NEK5: variants seen among roughly 807,000 people sequenced by gnomAD.
The protein encoded by NEK5 is serine/threonine-protein kinase Nek5.
In NEK5, 88 loss-of-function variants were observed where a neutral mutation model predicts 109.2. That is an observed-to-expected ratio of 0.81 (90% CI 0.68 to 0.96). The LOEUF (loss-of-function observed/expected upper bound fraction) is 0.96. NEK5 is among the 40% of genes least tolerant of loss of function. The pLI, the probability that NEK5 is intolerant of heterozygous loss-of-function variation, is 0.00. For synonymous variants in NEK5, 283 were observed against 299.9 expected (o/e 0.94, Z 0.58); for missense variants, 834 against 920.7 (o/e 0.91, Z 1.22).
chr13:52,076,886 A>C (rs117030432), intron 17 of NEK5, among the ~76,000 whole-genome samples: 3,237 of 152,336 alleles, frequency 0.021, 84 homozygotes, highest in Admixed American at 0.084. Context: ...CATGACCAGA[A>C]AGGTCCCTGC....
intron 22 of NEK5, among the ~76,000 whole-genome samples, chr13:52,056,928 C>A (rs894733639): frequency 6.6e-6 from 1 of 151,472 alleles, no homozygotes; most frequent in Non-Finnish European, 1.5e-5. Flanking sequence ...GCTAGCAGAA[C>A]GCAAGAAATA....
intron 14 of NEK5, among the ~76,000 whole-genome samples, chr13:52,087,771 A>G (rs538651039): frequency 2.5e-4 from 38 of 151,768 alleles, no homozygotes; most frequent in Admixed American, 1.1e-3. Context: ...GACTACAGGC[A>G]CCCGCCACCA....
chr13:52,113,716 C>T (rs60284382), intron 4 of NEK5, among the ~76,000 whole-genome samples: 65,956 of 151,526 alleles, frequency 0.44, 15,684 homozygotes, highest in Non-Finnish European at 0.54. Flanking sequence ...TGCTAGGATC[C>T]AAATGTCTTT....
chr13:52,083,453 C>A, intron 16 of NEK5, 101 bp from the exon 17 acceptor site: 1 of 701,032 alleles, frequency 1.4e-6, no homozygotes. Context: ...TGGACAGAAC[C>A]CTTTTTATAG....
At chr13:52,060,148 A>G (rs1954599122) in intron 22 of NEK5, among the ~76,000 whole-genome samples, 1 of 152,178 alleles carries the variant, frequency 6.6e-6, no homozygotes, top group South Asian at 2.1e-4. Flanking sequence ...ATGACTAATT[A>G]TGAGTTTATA....
chr13:52,092,010 C>G (rs768204407), intron 13 of NEK5, among the ~76,000 whole-genome samples: 14 of 152,116 alleles, frequency 9.2e-5, no homozygotes, highest in Middle Eastern at 3.4e-3. Context: ...GAAATATACA[C>G]AACTATTTTT....
intron 20 of NEK5, 53 bp downstream of exon 20, chr13:52,071,891 G>A: frequency 1.3e-6 from 2 of 1,548,670 alleles, no homozygotes; most frequent in South Asian, 1.1e-5. Context: ...AGTTCAAAAT[G>A]GGTTGCTAAT....
chr13:52,035,506 G>C lies in NEK5; in HGVS notation c.*1442C>G, dbSNP rs1954352870. The C allele has an allele frequency of 6.6e-6, 1 of 152,028 alleles. No individual in the cohort carries two copies. The highest frequency in any genetic ancestry group is 1.5e-5 in the Non-Finnish European group (1 of 68,016). 9.4% of individuals were successfully genotyped at this position (152,028 alleles called of 1,614,324 possible). A position where few individuals can be genotyped will look rare whatever the true frequency, so the allele number is the denominator to read the frequency against. ...TTCCTAAGCCCAGACATACTCCTTA[G>C]TATTTAAATAAACATCTGTTAAGCT... On this transcript the variant is annotated 3_prime_UTR_variant, in exon 24 of 24. Coordinates refer to ENST00000684899, the MANE Select transcript of NEK5 (RefSeq NM_001365552.1).
intron 3 of NEK5, among the ~76,000 whole-genome samples, chr13:52,119,654 T>C (rs1004916200): frequency 6.6e-6 from 1 of 152,224 alleles, no homozygotes; most frequent in Non-Finnish European, 1.5e-5. Flanking sequence ...AGTTTTGCTA[T>C]ATTAAAAGTT....
chr13:52,076,290 T>A, intron 17 of NEK5, 147 bp from the exon 18 acceptor site: 2 of 535,144 alleles, frequency 3.7e-6, no homozygotes, highest in Non-Finnish European at 6.6e-6. Flanking sequence ...GGGCAGAGTA[T>A]CCATTAACTT....
intron 20 of NEK5, among the ~76,000 whole-genome samples, chr13:52,068,306 T>C (rs1397245996): frequency 6.6e-6 from 1 of 152,182 alleles, no homozygotes. Flanking sequence ...ACAACGATAC[T>C]GCAATATTTA....
intron 5 of NEK5, among the ~76,000 whole-genome samples, chr13:52,111,147 T>C (rs894325131): frequency 6.6e-6 from 1 of 152,344 alleles, no homozygotes; most frequent in South Asian, 2.1e-4. Context: ...TTTATCTTTG[T>C]TGACCATGAG....
At chr13:52,054,163 C>A (rs952255791) in intron 22 of NEK5, among the ~76,000 whole-genome samples, 1 of 152,134 alleles carries the variant, frequency 6.6e-6, no homozygotes, top group Non-Finnish European at 1.5e-5. Flanking sequence ...CATGTATTAA[C>A]CTTAGGGCTT....
At chr13:52,050,725 T>C (rs1176661688) in intron 22 of NEK5, among the ~76,000 whole-genome samples, 1 of 149,390 alleles carries the variant, frequency 6.7e-6, no homozygotes, top group Non-Finnish European at 1.5e-5. Flanking sequence ...TTTTTCTTTT[T>C]TTTTTTTTTT....
At chr13:52,096,771 C>G (rs981181854) in intron 12 of NEK5, among the ~76,000 whole-genome samples, 1 of 152,132 alleles carries the variant, frequency 6.6e-6, no homozygotes, top group East Asian at 1.9e-4. Flanking sequence ...CAATTCAAAC[C>G]AGCTGCAGAA....
intron 23 of NEK5, among the ~76,000 whole-genome samples, chr13:52,042,980 T>C (rs1311623806): frequency 6.6e-6 from 1 of 151,982 alleles, no homozygotes; most frequent in African/African-American, 2.4e-5. Flanking sequence ...TTAAAAGACA[T>C]TTTCACATGA....
chr13:52,084,758 A>AGTGT (rs1238379537), intron 16 of NEK5, among the ~76,000 whole-genome samples: 45 of 45,154 alleles, frequency 1.0e-3, no homozygotes, highest in East Asian at 4.4e-3. Context: ...AGAGAGAGAG[A>AGTGT]GAGAGTGTGT....
chr13:52,053,973 G>C (rs1954530547), intron 22 of NEK5, among the ~76,000 whole-genome samples: 1 of 152,230 alleles, frequency 6.6e-6, no homozygotes, highest in African/African-American at 2.4e-5. Context: ...CAAAATATAT[G>C]AAAGAGCTAT....
At chr13:52,125,431 C>A (rs994623337) in intron 3 of NEK5, among the ~76,000 whole-genome samples, 1 of 152,110 alleles carries the variant, frequency 6.6e-6, no homozygotes, top group Admixed American at 6.6e-5. Flanking sequence ...GGCGTGGTGG[C>A]GGGCGCCTGT....
Sources: allele counts gnomAD v4.1 joint callset (sites outside exome capture counted in the v4.1 genomes callset), GRCh38; gene constraint gnomAD v4.1.1; transcripts MANE v1.5; gene names NCBI Gene and HGNC (gene_info 2026-07-23, HGNC 2026-07-21).